The following SPATA31D1 variants were observed in gnomAD, a reference collection of about 807,000 sequenced individuals.
The protein encoded by SPATA31D1 is spermatogenesis-associated protein 31D1.
A neutral mutation model predicts 13.2 loss-of-function variants in SPATA31D1; 6 were observed. The ratio of observed to expected loss-of-function variants is 0.46; its 90% CI spans 0.25 to 0.90. The LOEUF (loss-of-function observed/expected upper bound fraction) is 0.90, where lower values mean the gene tolerates loss of function less well. SPATA31D1 is among the 40% of genes least tolerant of loss of function. The pLI is 0.18. For missense variants in SPATA31D1, 2,445 were observed against 1,884.7 expected, an observed-to-expected ratio of 1.30 and a Z score of -5.50; for synonymous variants, 903 against 718.8, an observed-to-expected ratio of 1.26 and a Z score of -4.10.
Position 81,993,176 on chromosome 9 carries a change from G to A in SPATA31D1, c.2706G>A (p.Met902Ile). 1 of 1,613,950 alleles carries A rather than the reference G, an allele frequency of 6.2e-7. No homozygotes were observed. Among genetic ancestry groups the A allele is most frequent in the Non-Finnish European group, 8.5e-7 (1 of 1,179,884 alleles). The change falls in exon 4 of 4, where the codon ATG becomes ATA. Residue 902 changes from methionine (M) to isoleucine (I), a missense_variant. Met to Ile is a conservative substitution (Grantham distance 10, BLOSUM62 1). Coordinates refer to ENST00000344803, the MANE Select transcript of SPATA31D1 (RefSeq NM_001001670.3). ...ISFLSSNKQK[M>I]LEAHIKTFRM... is the part of the protein sequence containing the mutation. ...TCCTTAGTTCCAACAAACAAAAGAT[G>A]TTGGAAGCCCATATTAAAACTTTCC... is the stretch of plus-strand genomic sequence containing the variant.
upstream of SPATA31D1, among the ~76,000 whole-genome samples, chr9:81,987,611 A>C (rs552321275): frequency 6.6e-6 from 1 of 152,332 alleles, no homozygotes; most frequent in Non-Finnish European, 1.5e-5. Flanking sequence ...CTAACTTCAG[A>C]AAAGTAAGTT....
Position 81,991,171 on chromosome 9 carries a change from C to G in SPATA31D1, c.701C>G (p.Pro234Arg), listed in dbSNP as rs1051701953. The G allele has an allele frequency of 6.2e-6, 10 of 1,613,736 alleles. No homozygotes were observed. The highest frequency in any genetic ancestry group is 2.7e-5 in the African/African-American group (2 of 74,920). The change falls in exon 4 of 4, where the codon CCC becomes CGC. Residue 234 changes from proline to arginine, a missense_variant. Pro to Arg is a moderately radical substitution (Grantham distance 103). Coordinates refer to ENST00000344803, the MANE Select transcript of SPATA31D1 (RefSeq NM_001001670.3). Reference protein sequence around the residue: ...QPVSPLDSKFPIDHSPPQQLP... With the variant: ...QPVSPLDSKFRIDHSPPQQLP... ...GTTTCTCCCTTGGATTCCAAGTTCC[C>G]CATAGACCATTCCCCACCCCAACAG...
intron 1 of SPATA31D1, 93 bp from the exon 2 acceptor site, chr9:81,989,685 A>G: frequency 1.1e-5 from 7 of 627,982 alleles, no homozygotes; most frequent in South Asian, 4.4e-5. Context: ...ATTCTTGTAT[A>G]ATGAATGAAT....
In SPATA31D1 at chr9:81,988,908, C is replaced by T. The variant is rs779043897; in HGVS notation, c.90C>T (p.Ile30=). The change falls in exon 1 of 4, where the codon ATC becomes ATT. Residue 30 remains isoleucine (I), a synonymous_variant. Transcript: ENST00000344803. The part of the protein sequence containing the change: ...SHWLDIDPNF[I]CLSGLGLFIL... ...GGTTGGATATCGACCCCAACTTCAT[C>T]TGCTTGAGTGGGTTGGGGTTGTTTA... 1 of 1,612,756 alleles carries T rather than the reference C, an allele frequency of 6.2e-7. No individual in the cohort carries two copies. Among genetic ancestry groups the T allele is most frequent in the South Asian group, 1.1e-5 (1 of 91,032 alleles).
chr9:81,989,540 C>T (rs1824911685), intron 1 of SPATA31D1, among the ~76,000 whole-genome samples: 3 of 150,798 alleles, frequency 2.0e-5, no homozygotes, highest in Admixed American at 1.3e-4. Flanking sequence ...TTCAGAATTG[C>T]TAACTGAGTA....
At chr9:81,988,383 T>G (rs1182521467), upstream of SPATA31D1, among the ~76,000 whole-genome samples, 1 of 152,170 alleles carries the variant, frequency 6.6e-6, no homozygotes, top group Non-Finnish European at 1.5e-5. Context: ...GTAGGTAAGA[T>G]GGATTTGAGG....
In SPATA31D1 at chr9:81,994,194, C is replaced by G. The variant is rs1825045434; in HGVS notation, c.3724C>G (p.Gln1242Glu). The G allele has an allele frequency of 6.2e-7, 1 of 1,613,910 alleles. No individual in the cohort carries two copies. Among genetic ancestry groups the G allele is most frequent in the African/African-American group, 1.3e-5 (1 of 74,928 alleles). Residue 1242 changes from glutamine to glutamate, a missense_variant, in exon 4 of 4, where the codon CAG becomes GAG. Coordinates refer to ENST00000344803, the MANE Select transcript of SPATA31D1 (RefSeq NM_001001670.3). Reference sequence around the variant, plus strand: ...TTCCAAGGACTTACTGACTAATTCCCAGGGCATCTCGAGTGGGGACATGGG... The same window carrying G: ...TTCCAAGGACTTACTGACTAATTCCGAGGGCATCTCGAGTGGGGACATGGG... ...LSSKDLLTNS[Q>E]GISSGDMGTS...
In SPATA31D1 at chr9:81,992,703, C is replaced by T; in HGVS notation, c.2233C>T (p.Leu745=). The T allele has an allele frequency of 6.2e-7, 1 of 1,613,784 alleles. No homozygotes were observed. The highest frequency in any genetic ancestry group is 1.3e-5 in the African/African-American group (1 of 75,040). ...GGTTGAGGGTCAGAGGTGCAATGTT[C>T]TAAAGAAGTCCGCATCAAGCTTCCC... ...SLVEGQRCNV[L]KKSASSFPRS... is the part of the protein sequence containing the mutation. The change falls in exon 4 of 4, where the codon CTA becomes TTA. Residue 745 remains leucine (L), a synonymous_variant. Coordinates refer to ENST00000344803, the MANE Select transcript of SPATA31D1 (RefSeq NM_001001670.3).
chr9:81,993,996 GC>G lies in SPATA31D1; in HGVS notation c.3527del (p.Ala1176GlufsTer30). ...AAGCTGCTCACTGACAAATGTGAAA[GC>G]AAGCACTTCCAATGAAACTGAAATT... ...SGSCSLTNVKASTSNETEIFP... is the reference protein window; with the variant it reads ...SGSCSLTNVKXSTSNETEIFP... On this transcript the variant is annotated frameshift_variant, in exon 4 of 4. Coordinates refer to ENST00000344803, the MANE Select transcript of SPATA31D1 (RefSeq NM_001001670.3). LOFTEE classifies it low-confidence loss of function (END_TRUNC). 6.2e-7 allele frequency: 1 copy of G among 1,613,798 alleles called. No individual in the cohort carries two copies. Among genetic ancestry groups the G allele is most frequent in the Non-Finnish European group, 8.5e-7 (1 of 1,179,764 alleles).
In SPATA31D1 at chr9:81,991,843, T is replaced by G; in HGVS notation, c.1373T>G (p.Ile458Ser). 1.2e-6 allele frequency: 2 copies of G among 1,613,820 alleles called. No homozygotes were observed. The highest frequency in any genetic ancestry group is 8.5e-7 in the Non-Finnish European group (1 of 1,179,728). The stretch of plus-strand genomic sequence containing the variant: ...TCCTCACGGAATATGTTAACCTCAA[T>G]TGCTGTTAAGCATGACTTGGCAGAA... ...LNSSRNMLTS[I>S]AVKHDLAESF... Residue 458 changes from isoleucine to serine, a missense_variant, in exon 4 of 4, where the codon ATT becomes AGT. Ile to Ser is a moderately radical substitution (Grantham distance 142). Transcript: ENST00000344803.
At chr9:81,989,903 T>C in intron 2 of SPATA31D1, 80 bp downstream of exon 2, 1 of 1,507,246 alleles carries the variant, frequency 6.6e-7, no homozygotes, top group Non-Finnish European at 9.1e-7. Context: ...CATGATTTCT[T>C]AGAATGTCAG....
chr9:81,989,041 CTGT>C lies in SPATA31D1; in HGVS notation c.186+45_186+47del. The C allele has an allele frequency of 3.7e-6, 6 of 1,603,390 alleles. No homozygotes were observed. The East Asian group carries it at 6.7e-5, about 18-fold the overall frequency. ...TGGGTGAACACCCAAGAGAGATGCC[CTGT>C]TGTTGTTTCCCAATCCTATTCCAAC... On this transcript the variant is annotated intron_variant, in intron 1 of 3. Coordinates refer to ENST00000344803, the MANE Select transcript of SPATA31D1 (RefSeq NM_001001670.3).
Position 81,993,122 on chromosome 9 carries a change from C to G in SPATA31D1, c.2652C>G (p.His884Gln), listed in dbSNP as rs1374978300. Residue 884 changes from histidine (H) to glutamine (Q), a missense_variant, in exon 4 of 4, where the codon CAC becomes CAG. Transcript: ENST00000344803. ...RNLVTLVSED[H>Q]CVDTSQEISF... The stretch of plus-strand genomic sequence containing the variant: ...TGGTAACATTGGTGAGTGAGGACCA[C>G]TGCGTTGATACTTCCCAGGAAATTT... 2 of 1,613,984 alleles carry G rather than the reference C, an allele frequency of 1.2e-6. No individual in the cohort carries two copies. The highest frequency in any genetic ancestry group is 2.2e-5 in the East Asian group (1 of 44,874).
At position 81,994,591 on chromosome 9, in the gene SPATA31D1, C is replaced by T. The variant is rs1379878792; in HGVS notation, c.4121C>T (p.Ser1374Phe). The T allele has an allele frequency of 6.2e-7, 1 of 1,612,768 alleles. No homozygotes were observed. Among genetic ancestry groups the T allele is most frequent in the African/African-American group, 1.3e-5 (1 of 75,022 alleles). Residue 1374 changes from serine to phenylalanine, a missense_variant, in exon 4 of 4, where the codon TCC becomes TTC. Physicochemically the swap from Ser to Phe is radical, Grantham distance 155. Transcript: ENST00000344803. ...ATATCATATGAAGAACAAGAAAGTT[C>T]CTGGGAAAAGGGTAGCTCCCTGTCA... ...PSISYEEQES[S>F]WEKGSSLSSC...
chr9:81,994,256 C>A lies in SPATA31D1; in HGVS notation c.3786C>A (p.Ser1262Arg). Reference sequence around the variant, plus strand: ...TGGTGCATGTCCACTTGGAGGACAGCGGAATCCGTGTGGCACAGAAGCAGG... The same window carrying A: ...TGGTGCATGTCCACTTGGAGGACAGAGGAATCCGTGTGGCACAGAAGCAGG... ...SQVVHVHLED[S>R]GIRVAQKQEP... is the part of the protein sequence containing the mutation. The change falls in exon 4 of 4, where the codon AGC (serine) becomes AGA (arginine). Residue 1262 changes from serine to arginine, a missense_variant. Ser to Arg is a moderately radical substitution (Grantham distance 110). Transcript: ENST00000344803. 6.2e-7 allele frequency: 1 copy of A among 1,613,930 alleles called. No individual in the cohort carries two copies. Among genetic ancestry groups the A allele is most frequent in the Non-Finnish European group, 8.5e-7 (1 of 1,179,876 alleles).
chr9:81,988,899 C>G lies in SPATA31D1; in HGVS notation c.81C>G (p.Pro27=). Residue 27 remains proline (P), a synonymous_variant, in exon 1 of 4, where the codon CCC becomes CCG. Transcript: ENST00000344803. ...ACTCACATTGGTTGGATATCGACCC[C>G]AACTTCATCTGCTTGAGTGGGTTGG... is the stretch of plus-strand genomic sequence containing the variant. The part of the protein sequence containing the change: ...SPDSHWLDID[P]NFICLSGLGL... 6.2e-7 allele frequency: 1 copy of G among 1,612,880 alleles called. No individual in the cohort carries two copies. The highest frequency in any genetic ancestry group is 8.5e-7 in the Non-Finnish European group (1 of 1,179,700).
chr9:81,994,324 C>G lies in SPATA31D1; in HGVS notation c.3854C>G (p.Thr1285Arg). The stretch of plus-strand genomic sequence containing the variant: ...TGTGTCTTACAGAAGTGTCAAGTTA[C>G]GAATTTCCCACCAGCTGTAAACAGA... ...PTCVLQKCQV[T>R]NFPPAVNRVS... is the part of the protein sequence containing the mutation. Residue 1285 changes from threonine to arginine, a missense_variant, in exon 4 of 4, where the codon ACG (threonine) becomes AGG (arginine). By Grantham distance (71) the Thr-to-Arg change is moderately conservative. Transcript: ENST00000344803. 1 of 1,613,934 alleles carries G rather than the reference C, an allele frequency of 6.2e-7. No individual in the cohort carries two copies. Among genetic ancestry groups the G allele is most frequent in the Middle Eastern group, 1.6e-4 (1 of 6,062 alleles).
chr9:81,988,432 C>T (rs932621498), upstream of SPATA31D1, among the ~76,000 whole-genome samples: 5 of 152,186 alleles, frequency 3.3e-5, no homozygotes, highest in African/African-American at 1.2e-4. Context: ...CTGGGTACAA[C>T]AAATATTCCA....
chr9:81,988,586 G>A (rs1222025587), upstream of SPATA31D1, among the ~76,000 whole-genome samples: 1 of 152,140 alleles, frequency 6.6e-6, no homozygotes, highest in African/African-American at 2.4e-5. Flanking sequence ...GACATGAAAA[G>A]GGATGGAGTT....
Sources: gnomAD v4.1 joint callset for allele counts (sites outside exome capture counted in the v4.1 genomes callset) on GRCh38, gnomAD v4.1.1 for gene constraint, MANE v1.5 for transcripts, NCBI Gene and HGNC (gene_info 2026-07-23, HGNC 2026-07-21) for gene names.